MMP9: variants seen among roughly 807,000 people sequenced by gnomAD.
The protein encoded by MMP9 is matrix metallopeptidase 9, also known as matrix metalloproteinase-9.
Under a neutral mutation model 76.4 loss-of-function variants are expected in MMP9, and 73 were observed. That is an observed-to-expected ratio of 0.96 (90% CI 0.79 to 1.16). The LOEUF is 1.16. Ranked by LOEUF, MMP9 falls within the 50% of genes most tolerant of loss-of-function variation. The pLI, the probability that MMP9 is intolerant of heterozygous loss-of-function variation, is 0.00. For synonymous variants in MMP9, 412 were observed against 408.4 expected (o/e 1.01, Z -0.11); for missense variants, 943 against 973.0 (o/e 0.97, Z 0.41).
chr20:46,012,472 T>G lies in MMP9; in HGVS notation c.1220T>G (p.Leu407Arg), dbSNP rs1190321032. The G allele has an allele frequency of 2.5e-6, 4 of 1,614,066 alleles. No homozygotes were observed. The highest frequency in any genetic ancestry group is 3.4e-6 in the Non-Finnish European group (4 of 1,180,016). Reference protein sequence around the residue: ...LVAAHEFGHALGLDHSSVPEA... With the variant: ...LVAAHEFGHARGLDHSSVPEA... ...GCGGCGCATGAGTTCGGCCACGCGC[T>G]GGGCTTAGATCATTCCTCAGTGCCG... The change falls in exon 8 of 13, where the codon CTG becomes CGG. Residue 407 changes from leucine (L) to arginine (R), a missense_variant. Leu to Arg is a moderately radical substitution (Grantham distance 102). Coordinates refer to ENST00000372330, the MANE Select transcript of MMP9 (RefSeq NM_004994.3).
rs2084272355 is a variant in MMP9 at position 46,010,592 on chromosome 20, A to G, written c.481A>G (p.Ser161Gly). 6.2e-7 allele frequency: 1 copy of G among 1,613,976 alleles called. No homozygotes were observed. The highest frequency in any genetic ancestry group is 1.7e-5 in the Admixed American group (1 of 59,996). Residue 161 changes from serine to glycine, a missense_variant, in exon 3 of 13, where the codon AGC becomes GGC. Ser to Gly is a moderately conservative substitution (Grantham distance 56, BLOSUM62 0). Transcript: ENST00000372330. ...GCCGCTCACCTTCACTCGCGTGTACAGCCGGGACGCAGACATCGTCATCCA... is the reference window on the plus strand; with the variant it reads ...GCCGCTCACCTTCACTCGCGTGTACGGCCGGGACGCAGACATCGTCATCCA... ...VTPLTFTRVY[S>G]RDADIVIQFG...
chr20:46,010,019 C>A lies in MMP9; in HGVS notation c.292C>A (p.Arg98=). The part of the protein sequence containing the change: ...SATLKAMRTP[R]CGVPDLGRFQ... ...CACGCTGAAGGCCATGCGAACCCCA[C>A]GGTGCGGGGTCCCAGACCTGGGCAG... The change falls in exon 2 of 13, where the codon CGG becomes AGG. Residue 98 remains arginine (R), a synonymous_variant. Coordinates refer to ENST00000372330, the MANE Select transcript of MMP9 (RefSeq NM_004994.3). 1.3e-6 allele frequency: 2 copies of A among 1,551,014 alleles called. No individual in the cohort carries two copies. Among genetic ancestry groups the A allele is most frequent in the South Asian group, 1.2e-5 (1 of 84,030 alleles).
In MMP9 at chr20:46,010,024, C is replaced by CG; in HGVS notation, c.301dup (p.Val101GlyfsTer11). 1.3e-6 allele frequency: 2 copies of CG among 1,539,912 alleles called. No individual in the cohort carries two copies. Among genetic ancestry groups the CG allele is most frequent in the Non-Finnish European group, 1.8e-6 (2 of 1,140,160 alleles). On this transcript the variant is annotated frameshift_variant, in exon 2 of 13. Transcript: ENST00000372330. LOFTEE classifies it high-confidence loss of function. The stretch of plus-strand genomic sequence containing the variant: ...TGAAGGCCATGCGAACCCCACGGTG[C>CG]GGGGTCCCAGACCTGGGCAGATTCC...
At chr20:46,009,111 T>A (rs767020829) in intron 1 of MMP9, 47 bp downstream of exon 1, 15 of 1,595,838 alleles carry the variant, frequency 9.4e-6, no homozygotes, top group Admixed American at 5.1e-5. Flanking sequence ...TCCGTGAGGG[T>A]GTTGAGTGTC....
rs3918257 is a variant in MMP9, at chr20:46,013,244, T to A, written c.1331-11T>A. On this transcript the variant is annotated splice_polypyrimidine_tract_variant and intron_variant, in intron 8 of 12. Transcript: ENST00000372330. The surrounding 1 kb of genome is among the most constrained non-coding windows in gnomAD (Gnocchi z 4.5). ...GGAATAGGAAGAGTCTCACCCCGTGTCTCTTTTTAGGTCCTCGCCCTGAAC... is the reference window on the plus strand; with the variant it reads ...GGAATAGGAAGAGTCTCACCCCGTGACTCTTTTTAGGTCCTCGCCCTGAAC... 7,832 of 1,613,848 alleles carry A rather than the reference T, an allele frequency of 4.9e-3. 259 individuals are homozygous for A. The South Asian group carries it at 0.059, about 12-fold the overall frequency.
chr20:46,013,411 C>T lies in MMP9; in HGVS notation c.1487C>T (p.Pro496Leu). ...TGPPSAGPTGPPTAGPSTATT... is the reference protein window; with the variant it reads ...TGPPSAGPTGLPTAGPSTATT... Reference sequence around the variant, plus strand: ...CCCCCCTCAGCTGGCCCCACAGGTCCCCCCACTGCTGGCCCTTCTACGGCC... The same window carrying T: ...CCCCCCTCAGCTGGCCCCACAGGTCTCCCCACTGCTGGCCCTTCTACGGCC... Residue 496 changes from proline (P) to leucine (L), a missense_variant, in exon 9 of 13, where the codon CCC becomes CTC. Coordinates refer to ENST00000372330, the MANE Select transcript of MMP9 (RefSeq NM_004994.3). This position sits in a 1 kb window ranked among gnomAD's most constrained non-coding sequence, Gnocchi z 4.5. 3.1e-6 allele frequency: 5 copies of T among 1,613,876 alleles called. No individual in the cohort carries two copies. Among genetic ancestry groups the T allele is most frequent in the South Asian group, 1.1e-5 (1 of 91,064 alleles).
In MMP9 at chr20:46,014,263, G is replaced by T. The variant is rs2084305262; in HGVS notation, c.1890G>T (p.Arg630=). The T allele has an allele frequency of 5.3e-6, 8 of 1,522,310 alleles. No homozygotes were observed. The East Asian group carries it at 2.0e-4, about 38-fold the overall frequency. The allele number at this position is 1,522,310 out of a possible 1,614,324, so 94.3% of individuals were successfully genotyped here. A position where few individuals can be genotyped will look rare whatever the true frequency, so the allele number is the denominator to read the frequency against. ...GRGKMLLFSG[R]RLWRFDVKAQ... is the part of the protein sequence containing the mutation. The stretch of plus-strand genomic sequence containing the variant: ...GGAAGATGCTGCTGTTCAGCGGGCG[G>T]CGCCTCTGGAGGTGAGCGCCGCCGC... Residue 630 remains arginine, a synonymous_variant, in exon 11 of 13, where the codon CGG becomes CGT. Coordinates refer to ENST00000372330, the MANE Select transcript of MMP9 (RefSeq NM_004994.3).
chr20:46,011,760 T>C lies in MMP9; in HGVS notation c.997+13T>C. ...TGCCCGACCCGAGGTACCTCCACCC[T>C]GTCTACCAGGTTCAGCCCCGCCCTC... On this transcript the variant is annotated intron_variant, in intron 6 of 12. Coordinates refer to ENST00000372330, the MANE Select transcript of MMP9 (RefSeq NM_004994.3). 6.2e-7 allele frequency: 1 copy of C among 1,606,556 alleles called. No homozygotes were observed. Among genetic ancestry groups the C allele is most frequent in the Non-Finnish European group, 8.5e-7 (1 of 1,178,688 alleles).
chr20:46,016,483 G>A lies in MMP9; in HGVS notation c.*115G>A. ...TCTGTTCTGGAGGAAAGGGAGGAGT[G>A]GAGGTGGGCTGGGCCCTCTCTTCTC... On this transcript the variant is annotated 3_prime_UTR_variant, in exon 13 of 13. Coordinates refer to ENST00000372330, the MANE Select transcript of MMP9 (RefSeq NM_004994.3). The A allele has an allele frequency of 1.1e-6, 1 of 870,580 alleles. No individual in the cohort carries two copies. Among genetic ancestry groups the A allele is most frequent in the Non-Finnish European group, 1.9e-6 (1 of 514,470 alleles). The allele number at this position is 870,580 out of a possible 1,614,324, so 53.9% of individuals were successfully genotyped here. A position where few individuals can be genotyped will look rare whatever the true frequency, so the allele number is the denominator to read the frequency against.
intron 1 of MMP9, 131 bp from the exon 2 acceptor site, chr20:46,009,735 C>A: frequency 1.2e-6 from 1 of 806,368 alleles, no homozygotes. Context: ...CTGCAGTGGG[C>A]TGATACCGTC....
Position 46,016,429 on chromosome 20 carries a change from G to A in MMP9, c.*61G>A, listed in dbSNP as rs2084323072. ...CCCACTGGGACCAACCCTGGGGAAG[G>A]AGCCAGTTTGCCGGATACAAACTGG... On this transcript the variant is annotated 3_prime_UTR_variant, in exon 13 of 13. Coordinates refer to ENST00000372330, the MANE Select transcript of MMP9 (RefSeq NM_004994.3). The A allele has an allele frequency of 7.3e-7, 1 of 1,373,894 alleles. No homozygotes were observed. The highest frequency in any genetic ancestry group is 1.0e-6 in the Non-Finnish European group (1 of 961,280). 85.1% of individuals were successfully genotyped at this position (1,373,894 alleles called of 1,614,324 possible).
At chr20:46,014,539 T>A in intron 12 of MMP9, 65 bp downstream of exon 12, 1 of 1,464,102 alleles carries the variant, frequency 6.8e-7, no homozygotes, top group Non-Finnish European at 9.3e-7. Flanking sequence ...AGTGGTCAAA[T>A]TCTGAGCGAG....
intron 1 of MMP9, 96 bp downstream of exon 1, chr20:46,009,160 G>A (rs2084260477): frequency 1.5e-6 from 2 of 1,351,066 alleles, no homozygotes. Context: ...ATGCTTTAGG[G>A]GTGTGTTGGT....
Position 46,013,527 on chromosome 20 carries a change from A to G in MMP9, c.1603A>G (p.Lys535Glu). ...AEIGNQLYLF[K>E]DGKYWRFSEG... ...GATTGGGAACCAGCTGTATTTGTTCAAGGATGGGTGAGGAGGCGGGGTTGT... is the reference window on the plus strand; with the variant it reads ...GATTGGGAACCAGCTGTATTTGTTCGAGGATGGGTGAGGAGGCGGGGTTGT... Residue 535 changes from lysine (K) to glutamate (E), a missense_variant, in exon 9 of 13, where the codon AAG becomes GAG. Physicochemically the swap from Lys to Glu is moderately conservative, Grantham distance 56. Transcript: ENST00000372330. The surrounding 1 kb of genome is among the most constrained non-coding windows in gnomAD (Gnocchi z 4.5). The G allele has an allele frequency of 6.2e-7, 1 of 1,613,940 alleles. No individual in the cohort carries two copies.
chr20:46,011,288 C>T lies in MMP9; in HGVS notation c.795C>T (p.Asp265=), dbSNP rs777403916. The T allele has an allele frequency of 1.2e-6, 2 of 1,608,070 alleles. No homozygotes were observed. The highest frequency in any genetic ancestry group is 1.3e-5 in the African/African-American group (1 of 74,782). ...WCSTTANYDT[D]DRFGFCPSER... ...GTACCACGGCCAACTACGACACCGA[C>T]GACCGGTTTGGCTTCTGCCCCAGCG... is the stretch of plus-strand genomic sequence containing the variant. Residue 265 remains aspartate (D), a synonymous_variant, in exon 5 of 13, where the codon GAC becomes GAT. Coordinates refer to ENST00000372330, the MANE Select transcript of MMP9 (RefSeq NM_004994.3).
intron 8 of MMP9, 138 bp downstream of exon 8, chr20:46,012,720 A>G: frequency 7.8e-7 from 1 of 1,289,564 alleles, no homozygotes; most frequent in Non-Finnish European, 1.1e-6. Context: ...CTGGAAGCAG[A>G]GCCTGGGCCC....
intron 11 of MMP9, 26 bp downstream of exon 11, chr20:46,014,300 G>A: frequency 6.5e-7 from 1 of 1,534,614 alleles, no homozygotes; most frequent in Non-Finnish European, 8.7e-7. Flanking sequence ...GCCGCCGGCA[G>A]GGGGAGCCCG....
chr20:46,009,764 A>G, intron 1 of MMP9, 102 bp from the exon 2 acceptor site: 1 of 1,036,578 alleles, frequency 9.6e-7, no homozygotes, highest in South Asian at 1.4e-5. Context: ...AAAGAAAAAG[A>G]AAAAAGACTC....
At chr20:46,012,660 G>A (rs2084290851) in intron 8 of MMP9, 78 bp downstream of exon 8, 3 of 1,267,830 alleles carry the variant, frequency 2.4e-6, no homozygotes, top group African/African-American at 1.5e-5. Context: ...GGGGGTTGGG[G>A]ATCGGGGGAG....
Sources: gnomAD v4.1 joint callset for allele counts on GRCh38, gnomAD v4.1.1 for gene constraint, Gnocchi (gnomAD v3.1) non-coding constraint, MANE v1.5 for transcripts, NCBI Gene and HGNC (gene_info 2026-07-23, HGNC 2026-07-21) for gene names.